Variants in ALG6 observed in about 807,000 individuals in gnomAD.
ALG6 encodes the protein ALG6 alpha-1,3-glucosyltransferase.
In ALG6, 46 loss-of-function variants were observed where a neutral mutation model predicts 66.6. The observed-to-expected ratio is 0.69, with a 90% CI of 0.55 to 0.88. ALG6 has a LOEUF of 0.88. Among genes scored for constraint, ALG6 ranks in the 40% least tolerant of loss-of-function variants. ALG6 has a pLI of 0.00. For missense variants in ALG6, 505 were observed against 586.8 expected, an observed-to-expected ratio of 0.86 and a Z score of 1.44; for synonymous variants, 185 against 203.7, an observed-to-expected ratio of 0.91 and a Z score of 0.78.
chr1:63,402,221 G>A (rs1367994296), intron 3 of ALG6, 33 bp from the exon 4 acceptor site: 9 of 1,271,994 alleles, frequency 7.1e-6, no homozygotes, highest in East Asian at 4.6e-5. Flanking sequence ...ATTGATTAAC[G>A]GAATGGTGCT....
intron 1 of ALG6, among the ~76,000 whole-genome samples, chr1:63,370,390 G>A (rs115204443): frequency 0.014 from 2,139 of 152,184 alleles, 24 homozygotes; most frequent in Non-Finnish European, 0.021. Flanking sequence ...CCTCTTTCTC[G>A]CTGTACCAAA....
In ALG6 at chr1:63,438,477, A is replaced by C. The variant is rs2100449834; in HGVS notation, c.*1457A>C. On this transcript the variant is annotated 3_prime_UTR_variant, in exon 15 of 15. Coordinates refer to ENST00000263440, the MANE Select transcript of ALG6 (RefSeq NM_013339.4). ...TGTTGACTTAGATAAATGATGAGGA[A>C]GTTATAAATAATTGGAGTAGCATAA... 1 of 152,338 alleles carries C rather than the reference A, an allele frequency of 6.6e-6. No individual in the cohort carries two copies. Among genetic ancestry groups the C allele is most frequent in the Non-Finnish European group, 1.5e-5 (1 of 68,030 alleles). The allele number at this position is 152,338 out of a possible 1,614,324, so 9.4% of individuals were successfully genotyped here. A position where few individuals can be genotyped will look rare whatever the true frequency, so the allele number is the denominator to read the frequency against.
At chr1:63,436,328 A>G (rs1262031761) in intron 14 of ALG6, among the ~76,000 whole-genome samples, 2 of 152,126 alleles carry the variant, frequency 1.3e-5, no homozygotes, top group African/African-American at 4.8e-5. Context: ...TTTTCTAGCT[A>G]TTTTAAAATG....
intron 14 of ALG6, among the ~76,000 whole-genome samples, chr1:63,431,409 T>C (rs1356334038): frequency 2.0e-5 from 3 of 152,194 alleles, no homozygotes; most frequent in Non-Finnish European, 4.4e-5. Flanking sequence ...TGCATATCAA[T>C]TTGTGGAATA....
chr1:63,421,257 C>A (rs986553870), intron 12 of ALG6, among the ~76,000 whole-genome samples: 1 of 152,142 alleles, frequency 6.6e-6, no homozygotes, highest in African/African-American at 2.4e-5. Flanking sequence ...TGGCTCACCA[C>A]AACCTCCGCC....
At chr1:63,411,853 G>T in intron 8 of ALG6, 73 bp from the exon 9 acceptor site, 1 of 1,590,784 alleles carries the variant, frequency 6.3e-7, no homozygotes, top group Non-Finnish European at 8.6e-7. Flanking sequence ...ATTATGTTCA[G>T]TGAGACTCAG....
At chr1:63,385,276 G>A (rs1318075716) in intron 2 of ALG6, among the ~76,000 whole-genome samples, 1 of 134,118 alleles carries the variant, frequency 7.5e-6, no homozygotes, top group African/African-American at 2.9e-5. Context: ...CTTGGCTCAC[G>A]GCAACCTCTA....
intron 1 of ALG6, among the ~76,000 whole-genome samples, chr1:63,368,937 A>G (rs1010176843): frequency 3.3e-5 from 5 of 152,198 alleles, no homozygotes; most frequent in Non-Finnish European, 7.3e-5. Flanking sequence ...GATTCACAGC[A>G]TTTCAGAACA....
intron 2 of ALG6, among the ~76,000 whole-genome samples, chr1:63,381,664 AGGGAGGGGAG>A (rs71813918): frequency 2.1e-5 from 3 of 141,530 alleles, no homozygotes; most frequent in African/African-American, 5.2e-5. Flanking sequence ...AAAAGAAGGA[AGGGAGGGGAG>A]GGGAGGGGAG....
At chr1:63,380,113 T>G (rs1318184360) in intron 2 of ALG6, among the ~76,000 whole-genome samples, 1 of 152,156 alleles carries the variant, frequency 6.6e-6, no homozygotes, top group Non-Finnish European at 1.5e-5. Context: ...AACTGTGTAG[T>G]AGGCTTAGCA....
intron 10 of ALG6, among the ~76,000 whole-genome samples, chr1:63,414,847 T>G (rs1644535342): frequency 6.6e-6 from 1 of 151,914 alleles, no homozygotes; most frequent in Non-Finnish European, 1.5e-5. Context: ...AAAACAGAAG[T>G]CACAAGGCAG....
At chr1:63,373,564 T>C (rs1372974360) in intron 2 of ALG6, among the ~76,000 whole-genome samples, 1 of 151,042 alleles carries the variant, frequency 6.6e-6, no homozygotes, top group African/African-American at 2.4e-5. Context: ...CATTACACTT[T>C]AGCCTGGGCG....
intron 14 of ALG6, among the ~76,000 whole-genome samples, chr1:63,436,419 C>A (rs576943706): frequency 1.3e-5 from 2 of 152,074 alleles, no homozygotes; most frequent in Non-Finnish European, 2.9e-5. Context: ...TACATTTGTA[C>A]CCATTAGCTT....
rs368086400 is a variant in ALG6, at chr1:63,428,794, A to G, written c.1120A>G (p.Thr374Ala). Residue 374 changes from threonine (T) to alanine (A), a missense_variant, in exon 13 of 15, where the codon ACA becomes GCA. By Grantham distance (58) the Thr-to-Ala change is moderately conservative. Transcript: ENST00000263440. ...FMSTWFLLVS[T>A]FSMLPLLLKD... ...GTCTACTTGGTTTTTACTTGTGTCA[A>G]CATTTAGGTAAGTCATATCAATTTC... is the stretch of plus-strand genomic sequence containing the variant. 19 of 1,607,668 alleles carry G rather than the reference A, an allele frequency of 1.2e-5. No individual in the cohort carries two copies. In the Admixed American group the frequency reaches 2.5e-4, roughly 21 times the overall value.
At chr1:63,374,535 C>T (rs867122502) in intron 2 of ALG6, among the ~76,000 whole-genome samples, 20 of 151,400 alleles carry the variant, frequency 1.3e-4, no homozygotes, top group South Asian at 1.0e-3. Flanking sequence ...GGATGAGGCA[C>T]GAGAATTGCT....
At chr1:63,419,189 A>G (rs895127420) in intron 11 of ALG6, among the ~76,000 whole-genome samples, 181 bp from the exon 12 acceptor site, 2 of 152,146 alleles carry the variant, frequency 1.3e-5, no homozygotes, top group Non-Finnish European at 2.9e-5. Flanking sequence ...TTGAAAAAAT[A>G]TGTCAATTTT....
In ALG6 at chr1:63,406,617, C is replaced by A. The variant is rs144183323; in HGVS notation, c.429+218C>A. ...TACACTGAATCTTGGAAGTTATGTA[C>A]TGTTGAACTACATGCCTTGCTGAAT... On this transcript the variant is annotated intron_variant, in intron 6 of 14. Coordinates refer to ENST00000263440, the MANE Select transcript of ALG6 (RefSeq NM_013339.4). Among the ~76,000 whole-genome samples the A allele has an allele frequency of 4.3e-4, 65 of 152,188 alleles. No individual in the cohort carries two copies. The East Asian group carries it at 8.5e-3, about 20-fold the overall frequency.
intron 6 of ALG6, among the ~76,000 whole-genome samples, chr1:63,406,759 G>A (rs573035861): frequency 3.9e-5 from 6 of 152,010 alleles, no homozygotes; most frequent in African/African-American, 1.4e-4. Context: ...TATTATTTTT[G>A]GTCATTTTAG....
chr1:63,436,884 C>T lies in ALG6; in HGVS notation c.1388C>T (p.Pro463Leu). ...LTLMTVTLDP[P>L]QKLPDLFSVL... ...TTGATGACTGTCACACTGGATCCTCCTCAGAAACTACCGGACTTGTTTTCT... is the reference window on the plus strand; with the variant it reads ...TTGATGACTGTCACACTGGATCCTCTTCAGAAACTACCGGACTTGTTTTCT... Residue 463 changes from proline (P) to leucine (L), a missense_variant, in exon 15 of 15, where the codon CCT becomes CTT. Coordinates refer to ENST00000263440, the MANE Select transcript of ALG6 (RefSeq NM_013339.4). The T allele has an allele frequency of 6.2e-7, 1 of 1,613,848 alleles. No homozygotes were observed. Among genetic ancestry groups the T allele is most frequent in the South Asian group, 1.1e-5 (1 of 91,076 alleles).
Sources: allele counts gnomAD v4.1 joint callset (sites outside exome capture counted in the v4.1 genomes callset), GRCh38; gene constraint gnomAD v4.1.1; transcripts MANE v1.5; gene names NCBI Gene and HGNC (gene_info 2026-07-23, HGNC 2026-07-21).